MAPK4: variants seen among roughly 807,000 people sequenced by gnomAD.
MAPK4 encodes Erk3-related.
A neutral mutation model predicts 47.7 loss-of-function variants in MAPK4; 22 were observed. That is an observed-to-expected ratio of 0.46 (90% confidence interval 0.33 to 0.66). MAPK4 has a LOEUF of 0.66. Among genes scored for constraint, MAPK4 ranks in the 30% least tolerant of loss-of-function variants. The probability of loss-of-function intolerance (pLI) is 0.02; values close to 1 mark genes in which losing one functional copy is unlikely to be tolerated. For missense variants in MAPK4, 736 were observed against 831.7 expected (o/e 0.88, Z 1.42); for synonymous variants, 390 against 365.7 (o/e 1.07, Z -0.76).
At chr18:50,627,870 G>A (rs562372675) in intron 1 of MAPK4, among the ~76,000 whole-genome samples, 9 of 152,282 alleles carry the variant, frequency 5.9e-5, no homozygotes, top group African/African-American at 2.2e-4. Context: ...CAAGTCTGGC[G>A]ACAGCAGCAT....
At chr18:50,566,659 G>A (rs2042201148) in intron 1 of MAPK4, among the ~76,000 whole-genome samples, 1 of 152,238 alleles carries the variant, frequency 6.6e-6, no homozygotes, top group Non-Finnish European at 1.5e-5. Context: ...GTAAACACAG[G>A]CAGTACTGAA....
intron 2 of MAPK4, among the ~76,000 whole-genome samples, chr18:50,665,652 G>A (rs755291653): frequency 5.0e-4 from 76 of 152,220 alleles, no homozygotes; most frequent in Non-Finnish European, 9.7e-4. Flanking sequence ...GGCATCACAG[G>A]GGGCAGGGAG....
chr18:50,717,072 C>T (rs1271206726), intron 3 of MAPK4, among the ~76,000 whole-genome samples: 1 of 152,142 alleles, frequency 6.6e-6, no homozygotes, highest in Non-Finnish European at 1.5e-5. Flanking sequence ...ACAATTGGTC[C>T]CACATCATTC....
intron 1 of MAPK4, among the ~76,000 whole-genome samples, chr18:50,564,830 C>A (rs2042185028): frequency 6.6e-6 from 1 of 152,162 alleles, no homozygotes; most frequent in South Asian, 2.1e-4. Context: ...TGCCTGGTAA[C>A]CACCAGTCGG....
intron 1 of MAPK4, among the ~76,000 whole-genome samples, chr18:50,568,114 T>C (rs2042217155): frequency 6.7e-6 from 1 of 149,902 alleles, no homozygotes; most frequent in Admixed American, 6.7e-5. Flanking sequence ...GAGAATGGCA[T>C]GAACCCAGGA....
At chr18:50,623,484 C>T (rs970082241) in intron 1 of MAPK4, among the ~76,000 whole-genome samples, 6 of 152,218 alleles carry the variant, frequency 3.9e-5, no homozygotes, top group African/African-American at 1.4e-4. Flanking sequence ...TCAGTCTTCA[C>T]AGTGAATCTG....
At chr18:50,587,885 C>T (rs1185166979) in intron 1 of MAPK4, among the ~76,000 whole-genome samples, 3 of 152,004 alleles carry the variant, frequency 2.0e-5, no homozygotes, top group East Asian at 1.9e-4. Context: ...CCCACCACCA[C>T]GCCCAGCTCA....
chr18:50,638,078 C>T (rs1297080217), intron 1 of MAPK4, among the ~76,000 whole-genome samples: 1 of 152,164 alleles, frequency 6.6e-6, no homozygotes, highest in Non-Finnish European at 1.5e-5. Flanking sequence ...ATGCTGGGTC[C>T]TTCCCCTCTC....
In MAPK4 at chr18:50,729,938, C is replaced by T; in HGVS notation, c.*84C>T. The T allele has an allele frequency of 1.5e-6, 2 of 1,367,344 alleles. No individual in the cohort carries two copies. Among genetic ancestry groups the T allele is most frequent in the Non-Finnish European group, 2.0e-6 (2 of 1,022,414 alleles). The allele number at this position is 1,367,344 out of a possible 1,614,324, so 84.7% of individuals were successfully genotyped here. Reference sequence around the variant, plus strand: ...TGGCAGGAGGCGGCCGCCCTTCCCGCCCCTCTCTGCTGCCTTGGGGTTGGC... The same window carrying T: ...TGGCAGGAGGCGGCCGCCCTTCCCGTCCCTCTCTGCTGCCTTGGGGTTGGC... On this transcript the variant is annotated 3_prime_UTR_variant, in exon 6 of 6. Transcript: ENST00000400384.
In MAPK4 at chr18:50,664,550, C is replaced by T; in HGVS notation, c.546+46C>T. 1.3e-6 allele frequency: 2 copies of T among 1,533,748 alleles called. No homozygotes were observed. Among genetic ancestry groups the T allele is most frequent in the Non-Finnish European group, 8.8e-7 (1 of 1,134,538 alleles). On this transcript the variant is annotated intron_variant, in intron 2 of 5. Transcript: ENST00000400384. This position sits in a 1 kb window ranked among gnomAD's most constrained non-coding sequence, Gnocchi z 6.0. ...GGATACTGGTGGTCCACAGAATCCC[C>T]AAGAATACTTGCAGCATTCCCAAGC...
At chr18:50,672,401 A>T (rs765380418) in intron 2 of MAPK4, among the ~76,000 whole-genome samples, 4 of 152,148 alleles carry the variant, frequency 2.6e-5, no homozygotes, top group Non-Finnish European at 4.4e-5. Context: ...CCCTTTTTTA[A>T]AGGGAAAAAT....
rs144181826 is a variant in MAPK4, at chr18:50,612,004, C to G, written c.-870-51085C>G. The stretch of plus-strand genomic sequence containing the variant: ...AATGCATAGCTTGACAGAGTTTTCA[C>G]ATGTTTACACTATGTGACCAGATAA... On this transcript the variant is annotated intron_variant, in intron 1 of 5. Coordinates refer to ENST00000400384, the MANE Select transcript of MAPK4 (RefSeq NM_002747.4). Among the ~76,000 whole-genome samples the G allele has an allele frequency of 2.5e-3, 377 of 152,312 alleles. 4 individuals carry two copies. In the East Asian group the frequency reaches 0.04, roughly 16 times the overall value.
At chr18:50,657,989 A>C (rs918174926) in intron 1 of MAPK4, among the ~76,000 whole-genome samples, 5 of 152,118 alleles carry the variant, frequency 3.3e-5, no homozygotes, top group African/African-American at 1.2e-4. Context: ...GATGCCTGCA[A>C]GTCAGCCAGC....
chr18:50,576,001 G>A (rs1158956303), intron 1 of MAPK4, among the ~76,000 whole-genome samples: 1 of 152,180 alleles, frequency 6.6e-6, no homozygotes, highest in Non-Finnish European at 1.5e-5. Flanking sequence ...TAACATGCTG[G>A]TGAGGTTGTG....
intron 1 of MAPK4, among the ~76,000 whole-genome samples, chr18:50,563,842 G>T (rs1314028082): frequency 6.6e-6 from 1 of 152,154 alleles, no homozygotes; most frequent in Non-Finnish European, 1.5e-5. Context: ...GGTCTCAGGG[G>T]AAAACCAATC....
At chr18:50,691,071 C>T (rs190050181) in intron 2 of MAPK4, among the ~76,000 whole-genome samples, 1 of 152,264 alleles carries the variant, frequency 6.6e-6, no homozygotes, top group Non-Finnish European at 1.5e-5. Flanking sequence ...TGGCTCACTG[C>T]AACCTCCGCC....
rs2042722224 is a variant in MAPK4 at position 50,620,486 on chromosome 18, A to T, written c.-870-42603A>T. On this transcript the variant is annotated intron_variant, in intron 1 of 5. Coordinates refer to ENST00000400384, the MANE Select transcript of MAPK4 (RefSeq NM_002747.4). ...TCATGTGGCCATGAACTGAGATACC[A>T]TCTCTATGCATGAGATCACTCTGGC... is the stretch of plus-strand genomic sequence containing the variant. Among the ~76,000 whole-genome samples the T allele has an allele frequency of 3.3e-5, 5 of 152,222 alleles. No homozygotes were observed. The South Asian group carries it at 1.0e-3, about 32-fold the overall frequency.
intron 1 of MAPK4, among the ~76,000 whole-genome samples, chr18:50,656,041 A>C (rs938507467): frequency 6.6e-6 from 1 of 152,094 alleles, no homozygotes. Flanking sequence ...CTGACTCTGG[A>C]ATCTAATGAG....
intron 3 of MAPK4, among the ~76,000 whole-genome samples, chr18:50,718,312 C>G (rs900494533): frequency 6.6e-6 from 1 of 152,196 alleles, no homozygotes; most frequent in Non-Finnish European, 1.5e-5. Context: ...CTCCACCCCC[C>G]ATTTCAAGCG....
Sources: allele counts gnomAD v4.1 joint callset (sites outside exome capture counted in the v4.1 genomes callset), GRCh38; gene constraint gnomAD v4.1.1; non-coding constraint Gnocchi (gnomAD v3.1); transcripts MANE v1.5; gene names NCBI Gene and HGNC (gene_info 2026-07-23, HGNC 2026-07-21).